The following CAMSAP2 variants were observed in gnomAD, a reference collection of about 807,000 sequenced individuals.
CAMSAP2 encodes the protein calmodulin regulated spectrin associated protein family member 2.
Under a neutral mutation model 146.1 loss-of-function variants are expected in CAMSAP2, and 26 were observed. The observed-to-expected ratio is 0.18, with a 90% confidence interval of 0.13 to 0.25. The LOEUF (loss-of-function observed/expected upper bound fraction) is 0.25. Ranked by LOEUF, CAMSAP2 falls within the 10% of genes least tolerant of loss-of-function variation. The pLI is 1.00. For missense variants in CAMSAP2, 1,381 were observed against 1,759.3 expected (o/e 0.78, Z 3.85); for synonymous variants, 499 against 596.6 (o/e 0.84, Z 2.38).
chr1:200,760,341 CAA>C (rs149150474), intron 1 of CAMSAP2, among the ~76,000 whole-genome samples: 307 of 152,210 alleles, frequency 2.0e-3, no homozygotes, highest in African/African-American at 6.7e-3. Flanking sequence ...GGTCTTGAGG[CAA>C]AGAGATAGAA....
In CAMSAP2 at chr1:200,804,143, G is replaced by C. The variant is rs189751114; in HGVS notation, c.400-3233G>C. On this transcript the variant is annotated intron_variant, in intron 2 of 16. Coordinates refer to ENST00000358823, the MANE Select transcript of CAMSAP2 (RefSeq NM_203459.4). ...GGGTTTCACCGTGTTAGCCAGGATG[G>C]TCTCGATCTCCTGACCTTGTGATCT... Among the ~76,000 whole-genome samples the C allele has an allele frequency of 5.0e-3, 756 of 152,124 alleles. 8 individuals are homozygous for C. Among genetic ancestry groups the C allele is most frequent in the South Asian group, 8.1e-3 (39 of 4,820 alleles).
At chr1:200,855,937 A>T in intron 14 of CAMSAP2, 73 bp from the exon 15 acceptor site, 1 of 957,036 alleles carries the variant, frequency 1.0e-6, no homozygotes, top group Non-Finnish European at 1.6e-6. Flanking sequence ...TTTGATTGTT[A>T]CTTTCACGTA....
chr1:200,774,163 G>A (rs1322052967), intron 2 of CAMSAP2, among the ~76,000 whole-genome samples: 1 of 152,070 alleles, frequency 6.6e-6, no homozygotes, highest in Non-Finnish European at 1.5e-5. Flanking sequence ...TTAGGTTATA[G>A]CAGTGAAGCA....
Position 200,860,231 on chromosome 1 carries a change from T to A in CAMSAP2, c.*2172T>A, listed in dbSNP as rs3753953. 0.13 allele frequency: 19,649 copies of A among 152,654 alleles called. 1,280 individuals are homozygous for A. Among genetic ancestry groups the A allele is most frequent in the East Asian group, 0.17 (891 of 5,246 alleles). 9.5% of individuals were successfully genotyped at this position (152,654 alleles called of 1,614,324 possible). ...TTTTTTATTATGGTGCAGCTTTTTT[T>A]TAATTATGTTTTTAAAATTATACAG... On this transcript the variant is annotated 3_prime_UTR_variant, in exon 17 of 17. Transcript: ENST00000358823.
chr1:200,775,808 G>A (rs745375655), intron 2 of CAMSAP2, among the ~76,000 whole-genome samples: 9 of 152,078 alleles, frequency 5.9e-5, no homozygotes, highest in Non-Finnish European at 1.2e-4. Context: ...TGGGATTATG[G>A]GCATGAGCCA....
At chr1:200,824,242 T>G (rs544082994) in intron 4 of CAMSAP2, among the ~76,000 whole-genome samples, 1 of 152,232 alleles carries the variant, frequency 6.6e-6, no homozygotes, top group South Asian at 2.1e-4. Context: ...TCTCTTTTTT[T>G]TTTTTTTGCC....
chr1:200,798,913 C>G (rs1287782623), intron 2 of CAMSAP2, among the ~76,000 whole-genome samples: 1 of 151,534 alleles, frequency 6.6e-6, no homozygotes, highest in Non-Finnish European at 1.5e-5. Context: ...TTTTCTGCAT[C>G]TATTGAGATA....
intron 4 of CAMSAP2, among the ~76,000 whole-genome samples, chr1:200,823,604 A>G (rs1666829422): frequency 6.6e-6 from 1 of 152,228 alleles, no homozygotes; most frequent in African/African-American, 2.4e-5. Flanking sequence ...GAGAGGTCAT[A>G]TATCATATCA....
At chr1:200,854,782 T>C in intron 13 of CAMSAP2, 35 bp from the exon 14 acceptor site, 1 of 1,557,946 alleles carries the variant, frequency 6.4e-7, no homozygotes, top group Non-Finnish European at 8.8e-7. Flanking sequence ...GATTTTGTTT[T>C]TATTCAGGAT....
chr1:200,856,315 C>T (rs983366347), intron 15 of CAMSAP2, among the ~76,000 whole-genome samples, 190 bp downstream of exon 15: 5 of 152,204 alleles, frequency 3.3e-5, no homozygotes, highest in African/African-American at 1.2e-4. Context: ...CTACTTATAT[C>T]TCATCCCTCT....
intron 3 of CAMSAP2, among the ~76,000 whole-genome samples, chr1:200,809,408 G>T (rs191079006): frequency 1.3e-5 from 2 of 151,808 alleles, no homozygotes; most frequent in East Asian, 3.9e-4. Flanking sequence ...ATGTACATAA[G>T]AATTACCTGG....
At chr1:200,845,466 TTTAGTAGGCTGG>T (rs1365784786) in intron 8 of CAMSAP2, among the ~76,000 whole-genome samples, 1 of 152,040 alleles carries the variant, frequency 6.6e-6, no homozygotes, top group Admixed American at 6.6e-5. Flanking sequence ...AAATAGGGCT[TTTAGTAGGCTGG>T]TTAACTGTAT....
At chr1:200,782,782 C>CTTTTTTT (rs57995961) in intron 2 of CAMSAP2, among the ~76,000 whole-genome samples, 3 of 72,242 alleles carry the variant, frequency 4.2e-5, no homozygotes, top group Non-Finnish European at 5.4e-5. Flanking sequence ...TCATTTCTCT[C>CTTTTTTT]TTTTTTTTTT....
intron 3 of CAMSAP2, among the ~76,000 whole-genome samples, chr1:200,814,827 A>T (rs1666439096): frequency 6.6e-6 from 1 of 152,124 alleles, no homozygotes; most frequent in African/African-American, 2.4e-5. Flanking sequence ...GGCTAATGGC[A>T]TTAATATTTT....
intron 2 of CAMSAP2, among the ~76,000 whole-genome samples, chr1:200,779,233 G>T (rs148719563): frequency 6.6e-6 from 1 of 152,142 alleles, no homozygotes; most frequent in African/African-American, 2.4e-5. Flanking sequence ...TGATGAATGT[G>T]TAGGACCTCC....
In CAMSAP2 at chr1:200,848,510, A is replaced by C. The variant is rs762399701; in HGVS notation, c.1741A>C (p.Asn581His). 6.2e-6 allele frequency: 10 copies of C among 1,613,784 alleles called. No homozygotes were observed. Among genetic ancestry groups the C allele is most frequent in the African/African-American group, 2.7e-5 (2 of 74,930 alleles). Residue 581 changes from asparagine to histidine, a missense_variant, in exon 11 of 17, where the codon AAT (asparagine) becomes CAT (histidine). Asn to His is a moderately conservative substitution (Grantham distance 68). Coordinates refer to ENST00000358823, the MANE Select transcript of CAMSAP2 (RefSeq NM_203459.4). ...HSQEMSILNS[N>H]IKLNQSSPDN... The stretch of plus-strand genomic sequence containing the variant: ...TCAAGAAATGAGTATCTTAAATTCA[A>C]ATATCAAGTTAAATCAATCTAGTCC...
chr1:200,779,858 C>T (rs991141609), intron 2 of CAMSAP2, among the ~76,000 whole-genome samples: 1 of 151,814 alleles, frequency 6.6e-6, no homozygotes, highest in African/African-American at 2.4e-5. Context: ...TAAGAGTGAT[C>T]TTATAGATTT....
At chr1:200,841,580 C>T (rs925873062) in intron 6 of CAMSAP2, among the ~76,000 whole-genome samples, 1 of 152,070 alleles carries the variant, frequency 6.6e-6, no homozygotes. Flanking sequence ...CATCCAGTTA[C>T]GTTTTGGAGA....
intron 2 of CAMSAP2, among the ~76,000 whole-genome samples, chr1:200,791,936 A>G (rs932787563): frequency 6.6e-6 from 1 of 151,816 alleles, no homozygotes; most frequent in South Asian, 2.1e-4. Flanking sequence ...ACTGCACTCC[A>G]CCCTGAGTGA....
Sources: gnomAD v4.1 joint callset for allele counts (sites outside exome capture counted in the v4.1 genomes callset) on GRCh38, gnomAD v4.1.1 for gene constraint, MANE v1.5 for transcripts, NCBI Gene and HGNC (gene_info 2026-07-23, HGNC 2026-07-21) for gene names.